Variants in CNIH3 observed in about 807,000 individuals in gnomAD.
CNIH3 encodes the protein cornichon family AMPA receptor auxiliary protein 3.
CNIH3 carries 14 observed loss-of-function variants against 24.1 expected under a neutral mutation model. The ratio of observed to expected loss-of-function variants is 0.58; its 90% CI spans 0.38 to 0.91. CNIH3 has a LOEUF of 0.91. Among genes scored for constraint, CNIH3 ranks in the 40% least tolerant of loss-of-function variants. CNIH3 has a pLI of 0.00. For synonymous variants in CNIH3, 68 were observed against 73.8 expected, an observed-to-expected ratio of 0.92 and a Z score of 0.40; for missense variants, 178 against 196.8, an observed-to-expected ratio of 0.90 and a Z score of 0.57.
rs1214758753 is a variant in CNIH3, at chr1:224,684,234, C to G, written c.151-562C>G. Reference sequence around the variant, plus strand: ...TGGCAGTGAGCCAGGCCTTGACAGACTCGAACTTCTTAAAAAGCCTTAGCC... The same window carrying G: ...TGGCAGTGAGCCAGGCCTTGACAGAGTCGAACTTCTTAAAAAGCCTTAGCC... On this transcript the variant is annotated intron_variant, in intron 2 of 5. Coordinates refer to ENST00000272133, the MANE Select transcript of CNIH3 (RefSeq NM_152495.2). This position sits in a 1 kb window ranked among gnomAD's most constrained non-coding sequence, Gnocchi z 4.2. Among the ~76,000 whole-genome samples the G allele has an allele frequency of 1.3e-5, 2 of 152,234 alleles. No individual in the cohort carries two copies. Among genetic ancestry groups the G allele is most frequent in the Non-Finnish European group, 2.9e-5 (2 of 68,032 alleles).
intron 3 of CNIH3, among the ~76,000 whole-genome samples, chr1:224,601,254 C>T (rs1682196295): frequency 6.6e-6 from 1 of 152,172 alleles, no homozygotes; most frequent in South Asian, 2.1e-4. Flanking sequence ...TCCGCATGCT[C>T]AGTGGCCTGC....
At chr1:224,476,270 T>A (rs557945117) in intron 1 of CNIH3, among the ~76,000 whole-genome samples, 1 of 152,162 alleles carries the variant, frequency 6.6e-6, no homozygotes, top group Admixed American at 6.5e-5. Flanking sequence ...GACATCAGAA[T>A]TGAAGGAGGA....
chr1:224,697,550 C>A (rs985717129), intron 3 of CNIH3, among the ~76,000 whole-genome samples: 2 of 152,202 alleles, frequency 1.3e-5, no homozygotes, highest in Non-Finnish European at 2.9e-5. Context: ...TTCCTAAATT[C>A]CAGGGAGATG....
chr1:224,588,950 C>A (rs1023787867), downstream of CNIH3, among the ~76,000 whole-genome samples: 6 of 142,936 alleles, frequency 4.2e-5, no homozygotes, highest in African/African-American at 1.6e-4. Flanking sequence ...CAAGCTACTA[C>A]CTTCTTCCTG....
chr1:224,540,249 T>C (rs542503524), downstream of CNIH3, among the ~76,000 whole-genome samples: 3 of 152,212 alleles, frequency 2.0e-5, no homozygotes, highest in Non-Finnish European at 4.4e-5. Flanking sequence ...TGACTTGAAA[T>C]TTCAGTTGGA....
downstream of CNIH3, among the ~76,000 whole-genome samples, chr1:224,540,102 C>G (rs1295489652): frequency 6.6e-6 from 1 of 152,212 alleles, no homozygotes; most frequent in Non-Finnish European, 1.5e-5. Context: ...TTCAAAATTT[C>G]TGATCTTTCT....
chr1:224,550,790 T>C (rs891507453), intron 3 of CNIH3, among the ~76,000 whole-genome samples: 2 of 152,100 alleles, frequency 1.3e-5, no homozygotes, highest in Non-Finnish European at 2.9e-5. Context: ...GCCATGTTGG[T>C]GTGCTGCACC....
intron 1 of CNIH3, among the ~76,000 whole-genome samples, chr1:224,460,058 G>A (rs1255830128): frequency 6.6e-6 from 1 of 151,834 alleles, no homozygotes; most frequent in Non-Finnish European, 1.5e-5. Flanking sequence ...TGTACTTTTT[G>A]TAGAGACAGG....
chr1:224,691,545 T>C (rs1330233443), intron 3 of CNIH3, among the ~76,000 whole-genome samples: 1 of 152,214 alleles, frequency 6.6e-6, no homozygotes, highest in Non-Finnish European at 1.5e-5. Context: ...GGAACCTACC[T>C]GAGCCCACCT....
At chr1:224,593,242 A>G (rs573409818), downstream of CNIH3, among the ~76,000 whole-genome samples, 2 of 148,922 alleles carry the variant, frequency 1.3e-5, no homozygotes, top group Admixed American at 1.4e-4. Flanking sequence ...TGCAACCTCC[A>G]TCTCCCAGGC....
intron 1 of CNIH3, among the ~76,000 whole-genome samples, chr1:224,484,031 T>C (rs1415498722): frequency 6.6e-6 from 1 of 150,680 alleles, no homozygotes; most frequent in African/African-American, 2.4e-5. Context: ...ATTAGCCGGG[T>C]GTGGTGGCGC....
chr1:224,486,050 A>C (rs143938499), intron 1 of CNIH3, among the ~76,000 whole-genome samples: 1 of 152,016 alleles, frequency 6.6e-6, no homozygotes, highest in African/African-American at 2.4e-5. Context: ...TATGAAAACT[A>C]TCAGTCTCCA....
intron 1 of CNIH3, among the ~76,000 whole-genome samples, chr1:224,500,363 T>C (rs1038854580): frequency 2.0e-5 from 3 of 152,116 alleles, no homozygotes; most frequent in South Asian, 2.1e-4. Context: ...GCAGCCTTCA[T>C]CTCATGTCTC....
intron 1 of CNIH3, among the ~76,000 whole-genome samples, chr1:224,475,712 G>A (rs1676562367): frequency 6.6e-6 from 1 of 152,102 alleles, no homozygotes; most frequent in Non-Finnish European, 1.5e-5. Context: ...GAGGAAGAGG[G>A]AATACTTGTA....
At chr1:224,683,844 T>C (rs1432426090) in intron 2 of CNIH3, among the ~76,000 whole-genome samples, 2 of 152,226 alleles carry the variant, frequency 1.3e-5, no homozygotes, top group African/African-American at 4.8e-5. Context: ...GTATGTGTGT[T>C]TGCGTGTGCA....
At chr1:224,677,726 T>G (rs527891955) in intron 1 of CNIH3, among the ~76,000 whole-genome samples, 8 of 152,276 alleles carry the variant, frequency 5.3e-5, no homozygotes, top group African/African-American at 1.9e-4. Context: ...TTTGCTCTAT[T>G]CAGTCTAGAC....
chr1:224,614,140 C>T (rs969002546), upstream of CNIH3, among the ~76,000 whole-genome samples: 1 of 152,140 alleles, frequency 6.6e-6, no homozygotes, highest in East Asian at 1.9e-4. Flanking sequence ...TCGACCTCCC[C>T]AAGTACTGGG....
At chr1:224,590,647 CT>C (rs1444985761), downstream of CNIH3, among the ~76,000 whole-genome samples, 1 of 152,160 alleles carries the variant, frequency 6.6e-6, no homozygotes, top group Non-Finnish European at 1.5e-5. Flanking sequence ...TGGCATTAAT[CT>C]ATTCATGAGG....
chr1:224,675,960 C>T (rs564118726), intron 1 of CNIH3, among the ~76,000 whole-genome samples: 5 of 152,198 alleles, frequency 3.3e-5, no homozygotes, highest in Non-Finnish European at 5.9e-5. Context: ...ATTAAATCTA[C>T]ACTTACCACA....
Sources: allele counts gnomAD v4.1 joint callset (sites outside exome capture counted in the v4.1 genomes callset), GRCh38; gene constraint gnomAD v4.1.1; non-coding constraint Gnocchi (gnomAD v3.1); transcripts MANE v1.5; gene names NCBI Gene and HGNC (gene_info 2026-07-23, HGNC 2026-07-21).